LEKR1: variants seen among roughly 807,000 people sequenced by gnomAD.
LEKR1 encodes leucine, glutamate and lysine rich 1, also known as protein LEKR1.
Under a neutral mutation model 72.4 loss-of-function variants are expected in LEKR1, and 59 were observed. That is an observed-to-expected ratio of 0.82 (90% CI 0.66 to 1.01). The LOEUF is 1.01. LEKR1 is among the 50% of genes least tolerant of loss of function. LEKR1 has a pLI of 0.00. For missense variants in LEKR1, 728 were observed against 759.2 expected (o/e 0.96, Z 0.48); for synonymous variants, 257 against 263.2 (o/e 0.98, Z 0.23).
intron 10 of LEKR1, among the ~76,000 whole-genome samples, chr3:157,021,200 T>C (rs1430537708): frequency 6.6e-6 from 1 of 152,100 alleles, no homozygotes; most frequent in Non-Finnish European, 1.5e-5. Flanking sequence ...GATGAGTAGG[T>C]TGTGAAAATT....
At chr3:157,021,871 T>C (rs907087915) in intron 10 of LEKR1, among the ~76,000 whole-genome samples, 1 of 152,100 alleles carries the variant, frequency 6.6e-6, no homozygotes, top group South Asian at 2.1e-4. Flanking sequence ...GACTATTAAT[T>C]ATTAATAATT....
chr3:157,027,919 A>G (rs947963726), intron 11 of LEKR1, among the ~76,000 whole-genome samples, 184 bp from the exon 12 acceptor site: 5 of 152,198 alleles, frequency 3.3e-5, no homozygotes, highest in African/African-American at 1.2e-4. Flanking sequence ...TACTGTTTTA[A>G]GTAGAAAAAT....
chr3:157,028,089 G>A lies in LEKR1; in HGVS notation c.1369-14G>A, dbSNP rs751601327. The A allele has an allele frequency of 1.1e-5, 17 of 1,525,360 alleles. No homozygotes were observed. The highest frequency in any genetic ancestry group is 1.4e-5 in the Non-Finnish European group (16 of 1,133,300). The allele number at this position is 1,525,360 out of a possible 1,614,324, so 94.5% of individuals were successfully genotyped here. A position where few individuals can be genotyped will look rare whatever the true frequency, so the allele number is the denominator to read the frequency against. On this transcript the variant is annotated splice_polypyrimidine_tract_variant and intron_variant, in intron 11 of 12. Coordinates refer to ENST00000356539, the MANE Select transcript of LEKR1 (RefSeq NM_001004316.3). ...AACTATCGCCTACAAGCTAATATGA[G>A]ATTTATCTTACAGATATCTGACTTA...
At chr3:156,867,308 T>C (rs2108544829) in intron 3 of LEKR1, among the ~76,000 whole-genome samples, 1 of 152,224 alleles carries the variant, frequency 6.6e-6, no homozygotes, top group Non-Finnish European at 1.5e-5. Flanking sequence ...CAGTAATTAT[T>C]CTTGAACAAT....
chr3:156,954,114 C>G (rs926067319), intron 6 of LEKR1, among the ~76,000 whole-genome samples: 1 of 151,866 alleles, frequency 6.6e-6, no homozygotes, highest in Non-Finnish European at 1.5e-5. Flanking sequence ...CTCTAATGAT[C>G]ATGATGATGA....
chr3:156,942,854 A>C (rs1327481776), intron 6 of LEKR1, 140 bp downstream of exon 6: 1 of 350,792 alleles, frequency 2.9e-6, no homozygotes, highest in Non-Finnish European at 5.2e-6. Flanking sequence ...TAGTATCACT[A>C]TGGTGATAAC....
At chr3:157,026,327 A>T (rs1185783352) in intron 11 of LEKR1, among the ~76,000 whole-genome samples, 2 of 152,186 alleles carry the variant, frequency 1.3e-5, no homozygotes, top group Non-Finnish European at 2.9e-5. Context: ...GGCAAGCTGG[A>T]ACTTGCCAAA....
At chr3:156,940,974 T>C (rs1444141850) in intron 5 of LEKR1, among the ~76,000 whole-genome samples, 1 of 152,098 alleles carries the variant, frequency 6.6e-6, no homozygotes, top group Non-Finnish European at 1.5e-5. Context: ...CCTTTTTGGC[T>C]ACAAAAATAC....
At chr3:156,912,001 A>G (rs1197259772) in intron 3 of LEKR1, among the ~76,000 whole-genome samples, 3 of 151,578 alleles carry the variant, frequency 2.0e-5, no homozygotes, top group Admixed American at 6.6e-5. Context: ...TTTTTATTCC[A>G]TGTAAATTTT....
intron 3 of LEKR1, among the ~76,000 whole-genome samples, chr3:156,900,583 T>C (rs1455823299): frequency 6.6e-6 from 1 of 152,208 alleles, no homozygotes; most frequent in Non-Finnish European, 1.5e-5. Flanking sequence ...CCTAATGGTA[T>C]TACCAGTAGG....
At position 156,852,848 on chromosome 3, in the gene LEKR1, A is replaced by C. The variant is rs1190022316; in HGVS notation, c.129A>C (p.Lys43Asn). ...ILHEFKAMEE[K>N]VKAMEKEMKF... ...ATGAATTTAAGGCTATGGAAGAAAA[A>C]GTGAAAGCAATGGAAAAAGAGATGA... Residue 43 changes from lysine to asparagine, a missense_variant, in exon 3 of 13, where the codon AAA becomes AAC. By Grantham distance (94) the Lys-to-Asn change is moderately conservative. Transcript: ENST00000356539. The C allele has an allele frequency of 6.5e-7, 1 of 1,535,336 alleles. No individual in the cohort carries two copies. The highest frequency in any genetic ancestry group is 1.4e-5 in the African/African-American group (1 of 72,986).
At chr3:157,043,092 C>G (rs374297673) in intron 12 of LEKR1, among the ~76,000 whole-genome samples, 2 of 152,236 alleles carry the variant, frequency 1.3e-5, no homozygotes, top group East Asian at 1.9e-4. Flanking sequence ...GGGCCTCCCC[C>G]CAACTCTCTT....
intron 2 of LEKR1, chr3:156,851,158 G>C (rs1336894737): frequency 6.6e-6 from 1 of 152,142 alleles, no homozygotes; most frequent in Non-Finnish European, 1.5e-5. Flanking sequence ...AAAAAATTTA[G>C]AGAAATCTAG....
At chr3:156,958,265 T>C (rs1004378013) in intron 6 of LEKR1, among the ~76,000 whole-genome samples, 1 of 152,176 alleles carries the variant, frequency 6.6e-6, no homozygotes, top group Non-Finnish European at 1.5e-5. Flanking sequence ...AGTGTACTTC[T>C]TGCTTTATCC....
At chr3:156,898,106 GA>G (rs932640462) in intron 3 of LEKR1, among the ~76,000 whole-genome samples, 2 of 151,958 alleles carry the variant, frequency 1.3e-5, no homozygotes, top group Non-Finnish European at 2.9e-5. Flanking sequence ...GGAAGACTTG[GA>G]AAAAAAATAT....
At chr3:156,892,504 A>G (rs1190593830) in intron 3 of LEKR1, among the ~76,000 whole-genome samples, 1 of 152,210 alleles carries the variant, frequency 6.6e-6, no homozygotes, top group Non-Finnish European at 1.5e-5. Context: ...ATAACATGGC[A>G]TATATTATCT....
chr3:156,899,503 CATGTATATAT>C (rs1721670712), intron 3 of LEKR1, among the ~76,000 whole-genome samples: 1 of 106,284 alleles, frequency 9.4e-6, no homozygotes, highest in Admixed American at 9.5e-5. Context: ...CACATATATA[CATGTATATAT>C]ACATACATAC....
chr3:156,866,066 T>A (rs6441099), intron 3 of LEKR1, among the ~76,000 whole-genome samples: 1 of 151,870 alleles, frequency 6.6e-6, no homozygotes, highest in Admixed American at 6.6e-5. Context: ...TCTATTTCTA[T>A]CACCTAACAG....
intron 6 of LEKR1, among the ~76,000 whole-genome samples, chr3:156,943,208 T>C (rs932839479): frequency 1.3e-5 from 2 of 151,976 alleles, no homozygotes; most frequent in Non-Finnish European, 2.9e-5. Context: ...ATAAAATAGG[T>C]AATCAGAAGA....
Sources: gnomAD v4.1 joint callset for allele counts (sites outside exome capture counted in the v4.1 genomes callset) on GRCh38, gnomAD v4.1.1 for gene constraint, MANE v1.5 for transcripts, NCBI Gene and HGNC (gene_info 2026-07-23, HGNC 2026-07-21) for gene names.